The following CPXM2 variants were observed in gnomAD, a reference collection of about 807,000 sequenced individuals.
CPXM2 encodes carboxypeptidase X, M14 family member 2.
CPXM2 carries 66 observed loss-of-function variants against 86.1 expected under a neutral mutation model. The observed-to-expected ratio is 0.77, with a 90% CI of 0.63 to 0.94. CPXM2 has a LOEUF of 0.94. CPXM2 is among the 40% of genes least tolerant of loss of function. CPXM2 has a pLI of 0.00. For synonymous variants in CPXM2, 388 were observed against 400.2 expected (o/e 0.97, Z 0.36); for missense variants, 948 against 1,026.3 (o/e 0.92, Z 1.04).
At chr10:123,851,573 T>C (rs1404196711) in intron 3 of CPXM2, among the ~76,000 whole-genome samples, 1 of 152,048 alleles carries the variant, frequency 6.6e-6, no homozygotes, top group Non-Finnish European at 1.5e-5. Context: ...ATCCAGACCA[T>C]TCTGGCTAAC....
intron 10 of CPXM2, among the ~76,000 whole-genome samples, chr10:123,765,836 T>C (rs1215811319): frequency 6.6e-6 from 1 of 152,242 alleles, no homozygotes; most frequent in Non-Finnish European, 1.5e-5. Flanking sequence ...CCACATGTGC[T>C]GTGCTGGGGG....
At chr10:123,881,732 T>A (rs1945096891) in intron 1 of CPXM2, among the ~76,000 whole-genome samples, 1 of 152,132 alleles carries the variant, frequency 6.6e-6, no homozygotes, top group African/African-American at 2.4e-5. Flanking sequence ...GGGCTGGGTG[T>A]CCCTGTGGGG....
rs199658632 is a variant in CPXM2 at position 123,780,117 on chromosome 10, T to C, written c.978+50A>G. The C allele has an allele frequency of 9.9e-5, 118 of 1,189,612 alleles. No homozygotes were observed. In the African/African-American group the frequency reaches 1.6e-3, roughly 16 times the overall value. 73.7% of individuals were successfully genotyped at this position (1,189,612 alleles called of 1,614,324 possible). ...TAAGTGCTTATGGACACATAATATGTTGCTTTTTTGACAAATTCCTGGCAT... is the reference window on the plus strand; with the variant it reads ...TAAGTGCTTATGGACACATAATATGCTGCTTTTTTGACAAATTCCTGGCAT... On this transcript the variant is annotated intron_variant, in intron 7 of 13. Transcript: ENST00000241305.
chr10:123,883,220 A>T (rs1340964445), intron 1 of CPXM2, among the ~76,000 whole-genome samples: 1 of 152,238 alleles, frequency 6.6e-6, no homozygotes, highest in Admixed American at 6.5e-5. Context: ...GGAGGGTAGG[A>T]TCAACATGTG....
At chr10:123,930,682 G>A (rs1945660438) in intron 2 of CPXM2, among the ~76,000 whole-genome samples, 1 of 152,232 alleles carries the variant, frequency 6.6e-6, no homozygotes, top group African/African-American at 2.4e-5. Flanking sequence ...ACACTCCTGA[G>A]AGCTGCCATG....
chr10:123,941,548 C>T (rs918547367), upstream of CPXM2, among the ~76,000 whole-genome samples: 2 of 152,240 alleles, frequency 1.3e-5, no homozygotes, highest in African/African-American at 4.8e-5. Flanking sequence ...TAAAAGGTCA[C>T]ATTCAGAGGT....
intron 2 of CPXM2, among the ~76,000 whole-genome samples, chr10:123,936,829 C>T (rs1418931285): frequency 5.9e-5 from 9 of 152,192 alleles, no homozygotes; most frequent in Admixed American, 4.6e-4. Flanking sequence ...CTGCCTTCCT[C>T]ATCTTCCTCT....
chr10:123,877,156 A>G (rs1261805233), intron 2 of CPXM2, among the ~76,000 whole-genome samples: 1 of 152,222 alleles, frequency 6.6e-6, no homozygotes, highest in East Asian at 1.9e-4. Flanking sequence ...GGGAATTGCC[A>G]AGTAGAGAAT....
intron 4 of CPXM2, among the ~76,000 whole-genome samples, chr10:123,841,008 A>T (rs1848375159): frequency 6.6e-6 from 1 of 152,214 alleles, no homozygotes; most frequent in Non-Finnish European, 1.5e-5. Flanking sequence ...TTGAGAGTGC[A>T]GTATAGATGG....
At chr10:123,846,669 A>G (rs1848502775) in intron 3 of CPXM2, among the ~76,000 whole-genome samples, 1 of 152,202 alleles carries the variant, frequency 6.6e-6, no homozygotes, top group African/African-American at 2.4e-5. Flanking sequence ...AAGGGTTCCA[A>G]CATAGCAGAG....
chr10:123,760,569 CAA>C (rs1326472854), intron 11 of CPXM2, among the ~76,000 whole-genome samples: 2 of 152,128 alleles, frequency 1.3e-5, no homozygotes, highest in African/African-American at 4.8e-5. Flanking sequence ...GAGTTTCTAA[CAA>C]AGTCAAATAA....
intron 6 of CPXM2, among the ~76,000 whole-genome samples, chr10:123,791,456 C>T (rs537865848): frequency 3.9e-5 from 6 of 152,268 alleles, no homozygotes; most frequent in South Asian, 2.1e-4. Flanking sequence ...TCAGCAGGGC[C>T]GTGGTCTCTC....
intron 4 of CPXM2, among the ~76,000 whole-genome samples, chr10:123,832,776 G>A (rs953831514): frequency 4.1e-5 from 6 of 146,820 alleles, no homozygotes; most frequent in East Asian, 2.0e-4. Flanking sequence ...GCAGTGAGCC[G>A]AGATCGTGCC....
rs1417935814 is a variant in CPXM2, at chr10:123,865,039, CT to C, written c.404-2317del. On this transcript the variant is annotated intron_variant, in intron 2 of 13. Coordinates refer to ENST00000241305, the MANE Select transcript of CPXM2 (RefSeq NM_198148.3). The surrounding 1 kb of genome is among the most constrained non-coding windows in gnomAD (Gnocchi z 4.7). ...CCAGCAGTGCTGGCAGCTGCCACAT[CT>C]AACAGCCATTCTTGTCCACTCCTGT... 1.3e-5 allele frequency among the ~76,000 whole-genome samples: 2 copies of C among 152,204 alleles called. No homozygotes were observed. Among genetic ancestry groups the C allele is most frequent in the Admixed American group, 1.3e-4 (2 of 15,286 alleles).
chr10:123,863,389 A>AG (rs1435420317), intron 2 of CPXM2, among the ~76,000 whole-genome samples: 2 of 152,148 alleles, frequency 1.3e-5, no homozygotes, highest in Non-Finnish European at 2.9e-5. Flanking sequence ...ATGCAGCGAG[A>AG]GGGGGCCACA....
rs550654146 is a variant in CPXM2 at position 123,781,132 on chromosome 10, T to C, written c.890-877A>G. ...ATCTTGGACAAGATAAAGAACCCCC[T>C]TTGCAGCTAAGCCAGTGGGAGCTGG... On this transcript the variant is annotated intron_variant, in intron 6 of 13. Transcript: ENST00000241305. Among the ~76,000 whole-genome samples, 141 of 152,272 alleles carry C rather than the reference T, an allele frequency of 9.3e-4. 2 individuals carry two copies. The highest frequency in any genetic ancestry group is 3.2e-3 in the African/African-American group (135 of 41,568).
At chr10:123,758,604 G>C (rs917683981) in intron 11 of CPXM2, among the ~76,000 whole-genome samples, 4 of 152,182 alleles carry the variant, frequency 2.6e-5, no homozygotes, top group Non-Finnish European at 5.9e-5. Flanking sequence ...CTAGAAAGCA[G>C]ACATTATCTT....
At chr10:123,901,970 T>C (rs1945386691) in intron 2 of CPXM2, among the ~76,000 whole-genome samples, 1 of 152,222 alleles carries the variant, frequency 6.6e-6, no homozygotes, top group African/African-American at 2.4e-5. Flanking sequence ...ATGAAGTCTC[T>C]TTCCTCCGAA....
chr10:123,936,993 C>T (rs1945726824), intron 2 of CPXM2, among the ~76,000 whole-genome samples: 1 of 152,220 alleles, frequency 6.6e-6, no homozygotes, highest in Non-Finnish European at 1.5e-5. Flanking sequence ...TTACATCCCC[C>T]ATCTCAATCA....
Sources: allele counts gnomAD v4.1 joint callset (sites outside exome capture counted in the v4.1 genomes callset), GRCh38; gene constraint gnomAD v4.1.1; non-coding constraint Gnocchi (gnomAD v3.1); transcripts MANE v1.5; gene names NCBI Gene and HGNC (gene_info 2026-07-23, HGNC 2026-07-21).